SYNM: variants seen among roughly 807,000 people sequenced by gnomAD.
The protein encoded by SYNM is desmuslin.
A neutral mutation model predicts 104.0 loss-of-function variants in SYNM; 95 were observed. The ratio of observed to expected loss-of-function variants is 0.91; its 90% confidence interval spans 0.77 to 1.08. SYNM has a LOEUF of 1.08. SYNM is among the 50% of genes least tolerant of loss of function. The pLI, the probability that SYNM is intolerant of heterozygous loss-of-function variation, is 0.00. For synonymous variants in SYNM, 918 were observed against 869.0 expected, an observed-to-expected ratio of 1.06 and a Z score of -0.99; for missense variants, 2,150 against 2,052.2, an observed-to-expected ratio of 1.05 and a Z score of -0.92.
chr15:99,110,926 T>C (rs2067295074), intron 1 of SYNM, among the ~76,000 whole-genome samples: 1 of 152,216 alleles, frequency 6.6e-6, no homozygotes, highest in African/African-American at 2.4e-5. Context: ...TCTGAAGTTT[T>C]ATTCCACAGC....
chr15:99,128,098 A>G (rs1480832847), intron 3 of SYNM, among the ~76,000 whole-genome samples: 1 of 152,238 alleles, frequency 6.6e-6, no homozygotes, highest in Non-Finnish European at 1.5e-5. Flanking sequence ...TATTCTGGCA[A>G]TTACATATTA....
intron 2 of SYNM, among the ~76,000 whole-genome samples, chr15:99,125,994 A>G (rs191567266): frequency 6.6e-6 from 1 of 152,340 alleles, no homozygotes; most frequent in Admixed American, 6.5e-5. Flanking sequence ...TTTGGCGCAG[A>G]CATAGTCAAA....
intron 2 of SYNM, among the ~76,000 whole-genome samples, chr15:99,120,816 GAC>G (rs532038333): frequency 8.5e-5 from 13 of 152,298 alleles, no homozygotes; most frequent in South Asian, 8.3e-4. Context: ...AGTGTGAGCA[GAC>G]ACAGAGGAGA....
At chr15:99,140,954 C>T in the SYNM span, 3 of 152,090 alleles carry the variant, frequency 2.0e-5, no homozygotes, top group East Asian at 5.8e-4. Flanking sequence ...AAGATATAAA[C>T]AGATTATTCA....
At position 99,105,414 on chromosome 15, in the gene SYNM, A is replaced by G; in HGVS notation, c.215A>G (p.Asp72Gly). Residue 72 changes from aspartate (D) to glycine (G), a missense_variant, in exon 1 of 4, where the codon GAC becomes GGC. Coordinates refer to ENST00000336292, the MANE Select transcript of SYNM (RefSeq NM_145728.3). ...GCGCGCAGCTTGCGGCAGCAGCTGG[A>G]CGAGCTGAGCTGGGCCACTGCGCTG... ...EEARSLRQQL[D>G]ELSWATALAE... is the part of the protein sequence containing the mutation. The G allele has an allele frequency of 6.6e-7, 1 of 1,507,946 alleles. No homozygotes were observed. The highest frequency in any genetic ancestry group is 8.8e-7 in the Non-Finnish European group (1 of 1,135,152). The allele number at this position is 1,507,946 out of a possible 1,614,324, so 93.4% of individuals were successfully genotyped here. A position where few individuals can be genotyped will look rare whatever the true frequency, so the allele number is the denominator to read the frequency against.
chr15:99,120,065 G>T (rs2067385550), intron 2 of SYNM, among the ~76,000 whole-genome samples: 1 of 152,192 alleles, frequency 6.6e-6, no homozygotes, highest in African/African-American at 2.4e-5. Flanking sequence ...CACCAAAGAA[G>T]CTTTTTTTCC....
At chr15:99,135,857 GTCA>G (rs1365381417), downstream of SYNM, among the ~76,000 whole-genome samples, 1 of 152,210 alleles carries the variant, frequency 6.6e-6, no homozygotes, top group Non-Finnish European at 1.5e-5. Flanking sequence ...TGGTAAAAAT[GTCA>G]TCATCACAGC....
In SYNM at chr15:99,131,527, C is replaced by T. The variant is rs782493054; in HGVS notation, c.3167C>T (p.Ala1056Val). 44 of 1,607,292 alleles carry T rather than the reference C, an allele frequency of 2.7e-5. No individual in the cohort carries two copies. Among genetic ancestry groups the T allele is most frequent in the Admixed American group, 3.3e-5 (2 of 59,894 alleles). ...APGSPDEEGGAEAPAAGIRFR... is the reference protein window; with the variant it reads ...APGSPDEEGGVEAPAAGIRFR... Reference sequence around the variant, plus strand: ...GGCAGCCCAGATGAGGAAGGTGGAGCGGAGGCCCCGGCTGCTGGCATTCGC... The same window carrying T: ...GGCAGCCCAGATGAGGAAGGTGGAGTGGAGGCCCCGGCTGCTGGCATTCGC... Residue 1056 changes from alanine to valine, a missense_variant, in exon 4 of 4, where the codon GCG (alanine) becomes GTG (valine). Transcript: ENST00000336292. This position sits in a 1 kb window ranked among gnomAD's most constrained non-coding sequence, Gnocchi z 4.3.
intron 2 of SYNM, among the ~76,000 whole-genome samples, chr15:99,123,575 G>A (rs989970364): frequency 3.9e-5 from 6 of 152,230 alleles, no homozygotes; most frequent in East Asian, 1.9e-4. Flanking sequence ...CAGGCAGTGC[G>A]TCCACTCTGT....
At chr15:99,114,846 A>G (rs1555483759) in intron 2 of SYNM, among the ~76,000 whole-genome samples, 1 of 152,014 alleles carries the variant, frequency 6.6e-6, no homozygotes, top group African/African-American at 2.4e-5. Context: ...GGCAGCTCTC[A>G]TGCTCAGGGC....
chr15:99,111,423 A>G (rs1335646695), intron 1 of SYNM, among the ~76,000 whole-genome samples: 1 of 152,166 alleles, frequency 6.6e-6, no homozygotes, highest in Admixed American at 6.5e-5. Context: ...AAACAGGGGA[A>G]TGTAGGATTT....
intron 1 of SYNM, among the ~76,000 whole-genome samples, chr15:99,110,846 G>T (rs960688062): frequency 6.6e-6 from 1 of 152,178 alleles, no homozygotes; most frequent in East Asian, 1.9e-4. Flanking sequence ...GAGATGTAGC[G>T]TCCCGTGTCT....
At chr15:99,118,801 T>C (rs1294869588) in intron 2 of SYNM, among the ~76,000 whole-genome samples, 2 of 152,184 alleles carry the variant, frequency 1.3e-5, no homozygotes, top group African/African-American at 4.8e-5. Context: ...CCAGGGAAGC[T>C]GCTGGCAGCT....
At chr15:99,110,670 C>T (rs997482221) in intron 1 of SYNM, among the ~76,000 whole-genome samples, 3 of 152,208 alleles carry the variant, frequency 2.0e-5, no homozygotes, top group Admixed American at 1.3e-4. Flanking sequence ...TCAAGTTTGG[C>T]TAAGAGAAAA....
Position 99,134,799 on chromosome 15 carries a change from T to C in SYNM, c.*1741T>C, listed in dbSNP as rs34524139. 12,231 of 152,238 alleles carry C rather than the reference T, an allele frequency of 0.08. 522 individuals carry two copies. The highest frequency in any genetic ancestry group is 0.12 in the Admixed American group (1,850 of 15,298). The allele number at this position is 152,238 out of a possible 1,614,324, so 9.4% of individuals were successfully genotyped here. ...TATTTTAAAAACACCATGAATCAGA[T>C]AGGGAAAGAAAGTTGATTGGAATAG... On this transcript the variant is annotated 3_prime_UTR_variant, in exon 4 of 4. Coordinates refer to ENST00000336292, the MANE Select transcript of SYNM (RefSeq NM_145728.3).
chr15:99,129,470 C>T lies in SYNM; in HGVS notation c.1110C>T (p.His370=). The change falls in exon 4 of 4, where the codon CAC becomes CAT. Residue 370 remains histidine (H), a synonymous_variant. Coordinates refer to ENST00000336292, the MANE Select transcript of SYNM (RefSeq NM_145728.3). ...AAGCACCTTTGGCAAGTTTCAATCACAGCTCGGCACTGTATTCTAACCTGT... is the reference window on the plus strand; with the variant it reads ...AAGCACCTTTGGCAAGTTTCAATCATAGCTCGGCACTGTATTCTAACCTGT... The part of the protein sequence containing the change: ...RQKAPLASFN[H]SSALYSNLSG... The T allele has an allele frequency of 6.2e-7, 1 of 1,614,012 alleles. No homozygotes were observed. The highest frequency in any genetic ancestry group is 8.5e-7 in the Non-Finnish European group (1 of 1,179,904).
In SYNM at chr15:99,129,439, G is replaced by A; in HGVS notation, c.1079G>A (p.Arg360Lys). Residue 360 changes from arginine to lysine, a missense_variant, in exon 4 of 4, where the codon AGG (arginine) becomes AAG (lysine). By Grantham distance (26) the Arg-to-Lys change is conservative. Coordinates refer to ENST00000336292, the MANE Select transcript of SYNM (RefSeq NM_145728.3). ...GAAAATGAAAGGAATCTATTTTCAA[G>A]GCAGAAAGCACCTTTGGCAAGTTTC... ...QRENERNLFSRQKAPLASFNH... is the reference protein window; with the variant it reads ...QRENERNLFSKQKAPLASFNH... The A allele has an allele frequency of 1.2e-6, 2 of 1,613,982 alleles. No homozygotes were observed. The highest frequency in any genetic ancestry group is 1.7e-6 in the Non-Finnish European group (2 of 1,179,894).
Position 99,130,846 on chromosome 15 carries a change from GTTATT to G in SYNM, c.2489_2493del (p.Tyr830CysfsTer6), listed in dbSNP as rs782593214. ...GCAGGTGATTCAGAGGGCGAGCAGA[GTTATT>G]TTGTGTCCACTCCAGATGAACACCC... On this transcript the variant is annotated frameshift_variant, in exon 4 of 4. Coordinates refer to ENST00000336292, the MANE Select transcript of SYNM (RefSeq NM_145728.3). LOFTEE classifies it high-confidence loss of function. 5 of 1,613,918 alleles carry G rather than the reference GTTATT, an allele frequency of 3.1e-6. No individual in the cohort carries two copies. The Admixed American group carries it at 8.3e-5, about 27-fold the overall frequency.
Position 99,132,545 on chromosome 15 carries a change from G to T in SYNM, c.4185G>T (p.Ser1395=). 1 of 1,614,020 alleles carries T rather than the reference G, an allele frequency of 6.2e-7. No homozygotes were observed. The highest frequency in any genetic ancestry group is 8.5e-7 in the Non-Finnish European group (1 of 1,179,894). The change falls in exon 4 of 4, where the codon TCG becomes TCT. Residue 1395 remains serine, a synonymous_variant. Coordinates refer to ENST00000336292, the MANE Select transcript of SYNM (RefSeq NM_145728.3). The part of the protein sequence containing the change: ...AEDTSGAEMT[S]GVSRSFRHIR... ...ACACATCAGGGGCAGAAATGACATCGGGTGTTAGCAGATCCTTTAGGCACA... is the reference window on the plus strand; with the variant it reads ...ACACATCAGGGGCAGAAATGACATCTGGTGTTAGCAGATCCTTTAGGCACA...
Sources: gnomAD v4.1 joint callset for allele counts (sites outside exome capture counted in the v4.1 genomes callset) on GRCh38, gnomAD v4.1.1 for gene constraint, Gnocchi (gnomAD v3.1) non-coding constraint, MANE v1.5 for transcripts, NCBI Gene and HGNC (gene_info 2026-07-23, HGNC 2026-07-21) for gene names.